The following MEF2C variants were observed in gnomAD, a reference collection of about 807,000 sequenced individuals.
The protein encoded by MEF2C is myocyte enhancer factor 2C.
In MEF2C, 6 loss-of-function variants were observed where a neutral mutation model predicts 50.5. That is an observed-to-expected ratio of 0.12 (90% CI 0.07 to 0.23). MEF2C has a LOEUF of 0.23. MEF2C is among the 10% of genes least tolerant of loss of function. The pLI, the probability that MEF2C is intolerant of heterozygous loss-of-function variation, is 1.00. For synonymous variants in MEF2C, 183 were observed against 228.0 expected (o/e 0.80, Z 1.78); for missense variants, 276 against 605.0 (o/e 0.46, Z 5.70).
chr5:88,756,293 C>T (rs1775259696), intron 4 of MEF2C, among the ~76,000 whole-genome samples: 1 of 152,124 alleles, frequency 6.6e-6, no homozygotes, highest in South Asian at 2.1e-4. Flanking sequence ...ATTTTTCAAA[C>T]TTCACCCCGC....
At chr5:88,773,208 T>C (rs1448969148) in intron 3 of MEF2C, among the ~76,000 whole-genome samples, 1 of 152,246 alleles carries the variant, frequency 6.6e-6, no homozygotes, top group African/African-American at 2.4e-5. Context: ...AATGTTGTTA[T>C]TGTCGATGAA....
intron 2 of MEF2C, among the ~76,000 whole-genome samples, chr5:88,819,056 G>A (rs77708017): frequency 0.017 from 2,601 of 152,042 alleles, 32 homozygotes; most frequent in East Asian, 0.043. Flanking sequence ...CTCTAGTGAT[G>A]AGGGTACTGC....
chr5:88,823,218 A>G lies in MEF2C; in HGVS notation c.54+517T>C, dbSNP rs111282526. Among the ~76,000 whole-genome samples, 24 of 152,114 alleles carry G rather than the reference A, an allele frequency of 1.6e-4. 1 individual carries two copies. The highest frequency in any genetic ancestry group is 5.5e-4 in the African/African-American group (23 of 41,552). On this transcript the variant is annotated intron_variant, in intron 2 of 10. Transcript: ENST00000504921. ...TGCCTATATGTTTTAAGTTATTAAT[A>G]TCTTGTGTGGGTGTTTTCTTTGTTG... is the stretch of plus-strand genomic sequence containing the variant.
chr5:88,805,710 C>G (rs938464897), intron 2 of MEF2C, among the ~76,000 whole-genome samples: 4 of 152,004 alleles, frequency 2.6e-5, no homozygotes, highest in Admixed American at 1.3e-4. Context: ...AAACTTCCTA[C>G]CTGCCAATCC....
chr5:88,838,638 C>A, intron 1 of MEF2C: 6 of 985,308 alleles, frequency 6.1e-6, no homozygotes, highest in Non-Finnish European at 7.2e-6. Context: ...TGCTTTCCTT[C>A]AAAGTACCTT....
At chr5:88,765,055 T>A (rs1779450829) in intron 3 of MEF2C, among the ~76,000 whole-genome samples, 1 of 151,744 alleles carries the variant, frequency 6.6e-6, no homozygotes, top group African/African-American at 2.4e-5. Flanking sequence ...TGGCATGGAG[T>A]CACAAAGGAA....
chr5:88,738,583 G>T (rs958659415), intron 6 of MEF2C: 1 of 979,522 alleles, frequency 1.0e-6, no homozygotes, highest in African/African-American at 1.7e-5. Flanking sequence ...CAGAGTCCAT[G>T]CCCTGAAGTA....
chr5:88,856,332 C>T (rs962920541), intron 1 of MEF2C, among the ~76,000 whole-genome samples: 8 of 152,114 alleles, frequency 5.3e-5, no homozygotes, highest in African/African-American at 1.2e-4. Context: ...GGTTTGAAAT[C>T]GGAACTTATG....
intron 1 of MEF2C, among the ~76,000 whole-genome samples, chr5:88,891,955 A>G (rs578087048): frequency 1.3e-5 from 2 of 152,336 alleles, no homozygotes; most frequent in East Asian, 3.8e-4. Flanking sequence ...ACACTTAGTT[A>G]AGGATCCCCG....
At chr5:88,885,215 A>G (rs1476068906), upstream of MEF2C, among the ~76,000 whole-genome samples, 1 of 152,200 alleles carries the variant, frequency 6.6e-6, no homozygotes, top group Non-Finnish European at 1.5e-5. Flanking sequence ...ATGGTTCAAA[A>G]AGCCTCCTGC....
rs140315752 is a variant in MEF2C, at chr5:88,849,733, T to G, written c.-142-25803A>C. Among the ~76,000 whole-genome samples the G allele has an allele frequency of 4.0e-3, 610 of 152,292 alleles. 1 individual carries two copies. Among genetic ancestry groups the G allele is most frequent in the Middle Eastern group, 0.017 (5 of 294 alleles). ...TCTAGATCCATTTTTAATTTAATAATTTGAATTGAAACCATTAACATTTCA... is the reference window on the plus strand; with the variant it reads ...TCTAGATCCATTTTTAATTTAATAAGTTGAATTGAAACCATTAACATTTCA... On this transcript the variant is annotated intron_variant, in intron 1 of 10. Coordinates refer to ENST00000504921, the MANE Select transcript of MEF2C (RefSeq NM_002397.5).
intron 2 of MEF2C, among the ~76,000 whole-genome samples, chr5:88,816,324 G>T (rs959146057): frequency 6.6e-6 from 1 of 151,966 alleles, no homozygotes; most frequent in African/African-American, 2.4e-5. Flanking sequence ...ATAGTAATAT[G>T]TGTGGCACAC....
intron 3 of MEF2C, among the ~76,000 whole-genome samples, chr5:88,785,721 TA>T (rs1790526244): frequency 6.6e-6 from 1 of 152,050 alleles, no homozygotes; most frequent in South Asian, 2.1e-4. Flanking sequence ...GATTCTCTTT[TA>T]AAATACATCT....
In MEF2C at chr5:88,740,790, C is replaced by A. The variant is rs565139431; in HGVS notation, c.637+8280G>T. The A allele has an allele frequency of 1.0e-5, 10 of 985,056 alleles. No homozygotes were observed. The African/African-American group carries it at 1.7e-4, about 17-fold the overall frequency. The allele number at this position is 985,056 out of a possible 1,614,324, so 61.0% of individuals were successfully genotyped here. A position where few individuals can be genotyped will look rare whatever the true frequency, so the allele number is the denominator to read the frequency against. The stretch of plus-strand genomic sequence containing the variant: ...GAACCACACTATCTTTAAAAAATTC[C>A]ATTTAACTATGAATGATAGATTTAT... On this transcript the variant is annotated intron_variant, in intron 6 of 10. Coordinates refer to ENST00000504921, the MANE Select transcript of MEF2C (RefSeq NM_002397.5).
chr5:88,860,953 G>C (rs1825293371), intron 1 of MEF2C, among the ~76,000 whole-genome samples: 1 of 152,052 alleles, frequency 6.6e-6, no homozygotes, highest in Non-Finnish European at 1.5e-5. Context: ...ATATTTTAGG[G>C]AGTCTATTTA....
intron 3 of MEF2C, among the ~76,000 whole-genome samples, chr5:88,786,168 G>T (rs1484700258): frequency 6.6e-6 from 1 of 152,138 alleles, no homozygotes; most frequent in African/African-American, 2.4e-5. Flanking sequence ...TCCACATATT[G>T]TGAAGCAGCC....
chr5:88,779,414 A>G (rs1255460195), intron 3 of MEF2C, among the ~76,000 whole-genome samples: 1 of 151,662 alleles, frequency 6.6e-6, no homozygotes, highest in Non-Finnish European at 1.5e-5. Context: ...GAAGTTAGAA[A>G]CTCTCCCTCC....
chr5:88,851,232 A>C (rs1258956602), intron 1 of MEF2C, among the ~76,000 whole-genome samples: 2 of 67,068 alleles, frequency 3.0e-5, no homozygotes, highest in Non-Finnish European at 6.2e-5. Flanking sequence ...ACTCCATCTC[A>C]CAAAAAAAAA....
chr5:88,723,976 A>G (rs919101516), intron 10 of MEF2C, among the ~76,000 whole-genome samples: 5 of 152,190 alleles, frequency 3.3e-5, no homozygotes, highest in African/African-American at 1.2e-4. Context: ...GACTTTGATC[A>G]GGATAAACCA....
Sources: allele counts gnomAD v4.1 joint callset (sites outside exome capture counted in the v4.1 genomes callset), GRCh38; gene constraint gnomAD v4.1.1; transcripts MANE v1.5; gene names NCBI Gene and HGNC (gene_info 2026-07-23, HGNC 2026-07-21).